Variants in TLCD3A observed in about 807,000 individuals in gnomAD.
TLCD3A encodes TLC domain containing 3A, also known as TLC domain-containing protein 3A.
In TLCD3A, 17 loss-of-function variants were observed where a neutral mutation model predicts 29.9. The ratio of observed to expected loss-of-function variants is 0.57; its 90% CI spans 0.39 to 0.85. The LOEUF is 0.85. TLCD3A is among the 40% of genes least tolerant of loss of function. TLCD3A has a pLI of 0.00. For synonymous variants in TLCD3A, 143 were observed against 147.7 expected (o/e 0.97, Z 0.23); for missense variants, 332 against 350.8 (o/e 0.95, Z 0.43).
At chr17:739,142 C>T (rs55958011) in intron 3 of TLCD3A, among the ~76,000 whole-genome samples, 3,570 of 151,900 alleles carry the variant, frequency 0.024, 65 homozygotes, top group Non-Finnish European at 0.036. Flanking sequence ...AAATTCCTCA[C>T]TCTTGAGTGC....
At chr17:733,602 T>C (rs976048339) in intron 2 of TLCD3A, among the ~76,000 whole-genome samples, 3 of 152,184 alleles carry the variant, frequency 2.0e-5, no homozygotes, top group Admixed American at 1.3e-4. Context: ...AACGCCGCTC[T>C]TGCTTTTCCT....
At chr17:734,173 TTTC>T (rs202147015) in intron 2 of TLCD3A, among the ~76,000 whole-genome samples, 3,562 of 143,458 alleles carry the variant, frequency 0.025, 61 homozygotes, top group African/African-American at 0.055. Context: ...GGGTACAATT[TTTC>T]TTCTTCTTCT....
In TLCD3A at chr17:732,624, G is replaced by T; in HGVS notation, c.-24G>T. ...CCGAACCCAGCCACGCGGCGCCAGC[G>T]AGGCGGCCGGACCCGCAGCCCCGAT... On this transcript the variant is annotated 5_prime_UTR_variant, in exon 1 of 5. Coordinates refer to ENST00000308278, the MANE Select transcript of TLCD3A (RefSeq NM_024792.3). The T allele has an allele frequency of 8.1e-7, 1 of 1,229,902 alleles. No homozygotes were observed. The highest frequency in any genetic ancestry group is 1.0e-6 in the Non-Finnish European group (1 of 986,998). The allele number at this position is 1,229,902 out of a possible 1,614,324, so 76.2% of individuals were successfully genotyped here.
At chr17:734,127 C>T (rs887414292) in intron 2 of TLCD3A, among the ~76,000 whole-genome samples, 8 of 152,064 alleles carry the variant, frequency 5.3e-5, no homozygotes, top group African/African-American at 1.9e-4. Context: ...CAAGTGACAT[C>T]GATTGTAGAC....
intron 3 of TLCD3A, 45 bp downstream of exon 3, chr17:738,092 G>C (rs1200711412): frequency 2.2e-6 from 1 of 457,072 alleles, no homozygotes; most frequent in Non-Finnish European, 3.1e-6. Context: ...GTTGAGCTGG[G>C]TGTCTTTTTT....
At chr17:739,469 G>A (rs1274749944) in intron 3 of TLCD3A, among the ~76,000 whole-genome samples, 1 of 152,138 alleles carries the variant, frequency 6.6e-6, no homozygotes, top group Non-Finnish European at 1.5e-5. Context: ...GATTACAGGC[G>A]TGAGCCACTG....
chr17:733,240 T>C (rs1353840808), intron 2 of TLCD3A, 59 bp downstream of exon 2: 3 of 1,422,774 alleles, frequency 2.1e-6, no homozygotes, highest in Non-Finnish European at 2.8e-6. Flanking sequence ...TCGCAGGCTC[T>C]GGCTCTCGCA....
chr17:739,734 A>C (rs1974218854), intron 3 of TLCD3A, among the ~76,000 whole-genome samples: 1 of 152,232 alleles, frequency 6.6e-6, no homozygotes, highest in Admixed American at 6.5e-5. Context: ...GTATTCTTAT[A>C]TCTCTCAGTG....
intron 4 of TLCD3A, 144 bp downstream of exon 4, chr17:740,744 AATGAATGG>A (rs1974239666): frequency 1.2e-6 from 1 of 840,934 alleles, no homozygotes; most frequent in African/African-American, 1.7e-5. Context: ...GGCATGTATG[AATGAATGG>A]CAGAGAGAGT....
At position 740,709 on chromosome 17, in the gene TLCD3A, C is replaced by T. The variant is rs532680136; in HGVS notation, c.504+109C>T. ...GATTCAGGCATGTATGAATGAATGG[C>T]AGAGAGAGTGAAGGTTCTGATTCAG... On this transcript the variant is annotated intron_variant, in intron 4 of 4. Transcript: ENST00000308278. 72 of 1,080,098 alleles carry T rather than the reference C, an allele frequency of 6.7e-5. No individual in the cohort carries two copies. In the African/African-American group the frequency reaches 1.1e-3, roughly 16 times the overall value. The allele number at this position is 1,080,098 out of a possible 1,614,324, so 66.9% of individuals were successfully genotyped here. A position where few individuals can be genotyped will look rare whatever the true frequency, so the allele number is the denominator to read the frequency against.
At position 741,879 on chromosome 17, in the gene TLCD3A, C is replaced by T; in HGVS notation, c.*309C>T. 7.2e-6 allele frequency: 3 copies of T among 414,764 alleles called. 1 individual carries two copies. Among genetic ancestry groups the T allele is most frequent in the Non-Finnish European group, 1.3e-5 (3 of 224,334 alleles). 25.7% of individuals were successfully genotyped at this position (414,764 alleles called of 1,614,324 possible). On this transcript the variant is annotated 3_prime_UTR_variant, in exon 5 of 5. Transcript: ENST00000308278. ...GGGAGGTGGAAGCATGGGGTGGGAT[C>T]GGTGGACCAGGGTGGTAAGTGTCTG...
rs763863588 is a variant in TLCD3A at position 738,021 on chromosome 17, C to T, written c.382C>T (p.Leu128Phe). The T allele has an allele frequency of 3.7e-6, 6 of 1,608,554 alleles. No homozygotes were observed. The African/African-American group carries it at 8.0e-5, about 22-fold the overall frequency. ...RLMITHHAVILFVLVPVAQRL... is the reference protein window; with the variant it reads ...RLMITHHAVIFFVLVPVAQRL... The stretch of plus-strand genomic sequence containing the variant: ...CATGATCACACATCATGCGGTCATT[C>T]TCTTTGTCCTTGTGCCAGTCGCACA... Residue 128 changes from leucine (L) to phenylalanine (F), a missense_variant, in exon 3 of 5, where the codon CTC becomes TTC. Leu to Phe is a conservative substitution (Grantham distance 22). Transcript: ENST00000308278.
In TLCD3A at chr17:740,572, TTG is replaced by T. The variant is rs768325807; in HGVS notation, c.480_481del (p.Ser161AlafsTer88). On this transcript the variant is annotated frameshift_variant, in exon 4 of 5. Transcript: ENST00000308278. LOFTEE classifies it high-confidence loss of function. ...TTCACGGCAGAACTGAGCACTCCGT[TTG>T]TGTCGCTGGGCAGGGTTCTGATTCA... 1 of 1,614,022 alleles carries T rather than the reference TTG, an allele frequency of 6.2e-7. No homozygotes were observed. The highest frequency in any genetic ancestry group is 1.1e-5 in the South Asian group (1 of 91,044).
In TLCD3A at chr17:741,407, G is replaced by A; in HGVS notation, c.611G>A (p.Gly204Asp). ...TTCCCCTTCATGTACTGGTCCTATG[G>A]CCGCCAGCAGGGACTAAGCCTGCTC... ...LLFPFMYWSYGRQQGLSLLQV... is the reference protein window; with the variant it reads ...LLFPFMYWSYDRQQGLSLLQV... Residue 204 changes from glycine (G) to aspartate (D), a missense_variant, in exon 5 of 5, where the codon GGC (glycine) becomes GAC (aspartate). By Grantham distance (94) the Gly-to-Asp change is moderately conservative (BLOSUM62 -1). Transcript: ENST00000308278. 1.9e-6 allele frequency: 3 copies of A among 1,614,106 alleles called. No homozygotes were observed. The highest frequency in any genetic ancestry group is 2.5e-6 in the Non-Finnish European group (3 of 1,180,014).
chr17:737,201 G>A (rs868416698), intron 2 of TLCD3A, among the ~76,000 whole-genome samples: 4 of 151,594 alleles, frequency 2.6e-5, no homozygotes, highest in South Asian at 2.1e-4. Flanking sequence ...TAGTAGAGAC[G>A]GGGTTTCGCC....
At chr17:736,263 C>T (rs974167974) in intron 2 of TLCD3A, among the ~76,000 whole-genome samples, 1 of 152,212 alleles carries the variant, frequency 6.6e-6, no homozygotes, top group Non-Finnish European at 1.5e-5. Context: ...GAGCGCTTAA[C>T]AAGCACTGCA....
At chr17:736,702 C>T (rs887923121) in intron 2 of TLCD3A, among the ~76,000 whole-genome samples, 14 of 152,332 alleles carry the variant, frequency 9.2e-5, no homozygotes, top group East Asian at 7.7e-4. Flanking sequence ...TTTGCCCAGG[C>T]TGGAGTGCAG....
intron 2 of TLCD3A, among the ~76,000 whole-genome samples, chr17:735,029 TTTC>T (rs2144109799): frequency 6.6e-6 from 1 of 151,942 alleles, no homozygotes; most frequent in South Asian, 2.1e-4. Context: ...CCCCGCCGCC[TTTC>T]TTTTTATTGA....
chr17:735,032 CTTTTTA>C (rs2144109815), intron 2 of TLCD3A, among the ~76,000 whole-genome samples: 1 of 151,496 alleles, frequency 6.6e-6, no homozygotes, highest in African/African-American at 2.4e-5. Flanking sequence ...CGCCGCCTTT[CTTTTTA>C]TTGAGATGGA....
Sources: gnomAD v4.1 joint callset for allele counts (sites outside exome capture counted in the v4.1 genomes callset) on GRCh38, gnomAD v4.1.1 for gene constraint, MANE v1.5 for transcripts, NCBI Gene and HGNC (gene_info 2026-07-23, HGNC 2026-07-21) for gene names.